The following SND1 variants were observed in gnomAD, a reference collection of about 807,000 sequenced individuals.
SND1 encodes the protein staphylococcal nuclease and tudor domain containing 1.
Under a neutral mutation model 121.7 loss-of-function variants are expected in SND1, and 38 were observed. The observed-to-expected ratio is 0.31, with a 90% CI of 0.24 to 0.41. The LOEUF is 0.41. Ranked by LOEUF, SND1 falls within the 10% of genes least tolerant of loss-of-function variation. The pLI is 1.00. For missense variants in SND1, 868 were observed against 1,184.6 expected (o/e 0.73, Z 3.92); for synonymous variants, 401 against 447.4 (o/e 0.90, Z 1.31).
At chr7:128,089,854 T>G in intron 22 of SND1, 162 bp downstream of exon 22, 2 of 669,156 alleles carry the variant, frequency 3.0e-6, no homozygotes, top group Admixed American at 2.8e-5. Flanking sequence ...GTTTTTGTTT[T>G]AAAGCTAATT....
At chr7:127,679,488 T>A (rs1288357133) in intron 1 of SND1, among the ~76,000 whole-genome samples, 1 of 152,226 alleles carries the variant, frequency 6.6e-6, no homozygotes, top group East Asian at 1.9e-4. Flanking sequence ...TTTTAAAGTA[T>A]ATAATTCAGT....
chr7:128,047,219 C>T (rs1257891752), intron 16 of SND1, among the ~76,000 whole-genome samples: 2 of 152,192 alleles, frequency 1.3e-5, no homozygotes, highest in Non-Finnish European at 1.5e-5. Context: ...AGGATGGGCA[C>T]CTGCCAGCAG....
intron 10 of SND1, among the ~76,000 whole-genome samples, chr7:127,728,131 CTTTGA>C (rs1441821286): frequency 6.6e-6 from 1 of 152,118 alleles, no homozygotes; most frequent in Non-Finnish European, 1.5e-5. Context: ...TCTTGTTGCC[CTTTGA>C]TTTCCTTTCT....
At chr7:128,000,183 A>C (rs963205495) in intron 16 of SND1, 3 of 152,014 alleles carry the variant, frequency 2.0e-5, no homozygotes, top group African/African-American at 7.2e-5. Context: ...CCTATTGTGA[A>C]ATCTGTTAAC....
intron 18 of SND1, among the ~76,000 whole-genome samples, chr7:128,083,511 T>C (rs912391962): frequency 2.0e-5 from 3 of 152,250 alleles, no homozygotes; most frequent in Non-Finnish European, 4.4e-5. Flanking sequence ...CATCCCTGCA[T>C]GCTTATGCAG....
intron 16 of SND1, among the ~76,000 whole-genome samples, chr7:128,009,663 C>CT (rs1476601400): frequency 6.6e-6 from 1 of 152,168 alleles, no homozygotes; most frequent in Non-Finnish European, 1.5e-5. Context: ...GCATAGGACT[C>CT]TAGACAAGTC....
chr7:127,816,346 C>G (rs1584594139), intron 11 of SND1, among the ~76,000 whole-genome samples: 1 of 152,320 alleles, frequency 6.6e-6, no homozygotes, highest in East Asian at 1.9e-4. Flanking sequence ...AACACTATCT[C>G]TTTTACATAG....
intron 16 of SND1, among the ~76,000 whole-genome samples, chr7:128,001,476 A>G (rs1399557177): frequency 6.6e-6 from 1 of 152,238 alleles, no homozygotes; most frequent in African/African-American, 2.4e-5. Context: ...GCATTGTGCA[A>G]TGCAGCCATC....
At chr7:127,745,342 T>C (rs1255784772) in intron 10 of SND1, among the ~76,000 whole-genome samples, 1 of 152,086 alleles carries the variant, frequency 6.6e-6, no homozygotes. Context: ...GTACAGTAAA[T>C]TTTATGGGAC....
chr7:127,942,925 A>G (rs1427294080), intron 15 of SND1, among the ~76,000 whole-genome samples: 4 of 152,196 alleles, frequency 2.6e-5, no homozygotes, highest in African/African-American at 9.7e-5. Context: ...ATTGCTGCAC[A>G]TGGCATATTA....
Position 128,086,978 on chromosome 7 carries a change from C to G in SND1, c.2345C>G (p.Pro782Arg), listed in dbSNP as rs145154397. 26 of 1,614,098 alleles carry G rather than the reference C, an allele frequency of 1.6e-5. No homozygotes were observed. Among genetic ancestry groups the G allele is most frequent in the Non-Finnish European group, 2.2e-5 (26 of 1,180,048 alleles). ...LPSTRLGTLS[P>R]AFSTRVLPAQ... ...TCCACCCGCCTGGGTACCCTATCAC[C>G]TGCCTTCAGCACTCGGGTGCTGCCA... Residue 782 changes from proline to arginine, a missense_variant, in exon 21 of 24, where the codon CCT becomes CGT. By Grantham distance (103) the Pro-to-Arg change is moderately radical. Transcript: ENST00000354725.
chr7:127,678,169 T>C (rs116750597), intron 1 of SND1, among the ~76,000 whole-genome samples: 235 of 152,310 alleles, frequency 1.5e-3, no homozygotes, highest in African/African-American at 5.0e-3. Context: ...ATGTGTGGCA[T>C]AGTGGAATAT....
chr7:127,824,183 C>A (rs888189089), intron 11 of SND1, among the ~76,000 whole-genome samples: 4 of 152,122 alleles, frequency 2.6e-5, no homozygotes, highest in Non-Finnish European at 4.4e-5. Context: ...TTAAATAATA[C>A]CCCTTTCAAA....
At chr7:127,864,156 C>G (rs1172549618) in intron 12 of SND1, among the ~76,000 whole-genome samples, 2 of 150,162 alleles carry the variant, frequency 1.3e-5, no homozygotes, top group Non-Finnish European at 3.0e-5. Context: ...GAAACTTCTC[C>G]CATTTTTCTA....
intron 16 of SND1, among the ~76,000 whole-genome samples, chr7:128,001,373 C>T (rs1418965413): frequency 6.6e-6 from 1 of 152,138 alleles, no homozygotes; most frequent in Non-Finnish European, 1.5e-5. Context: ...CCACTTTCAC[C>T]ATTTGCTGTC....
chr7:128,001,758 C>T (rs1005892108), intron 16 of SND1, among the ~76,000 whole-genome samples: 2 of 152,126 alleles, frequency 1.3e-5, no homozygotes, highest in African/African-American at 4.8e-5. Context: ...ATGGAGAAAC[C>T]CCGTCTCTAC....
Position 127,702,515 on chromosome 7 carries a change from T to C in SND1, c.670T>C (p.Ser224Pro). The change falls in exon 6 of 24, where the codon TCA becomes CCA. Residue 224 changes from serine to proline, a missense_variant. This residue lies in a region of SND1 where 743 missense variants were observed against 1,071.3 expected (regional missense o/e 0.69). Transcript: ENST00000354725. ...PDYYLVTVML[S>P]GIKCPTFRRE... ...TTACTACCTGGTTACAGTCATGCTG[T>C]CAGGCATCAAGGTCAGACCATACTC... 6.2e-7 allele frequency: 1 copy of C among 1,613,974 alleles called. No homozygotes were observed. Among genetic ancestry groups the C allele is most frequent in the Non-Finnish European group, 8.5e-7 (1 of 1,179,874 alleles).
In SND1 at chr7:128,011,092, G is replaced by A. The variant is rs1027467810; in HGVS notation, c.1779+20036G>A. Among the ~76,000 whole-genome samples, 6 of 151,734 alleles carry A rather than the reference G, an allele frequency of 4.0e-5. No homozygotes were observed. The East Asian group carries it at 1.2e-3, about 29-fold the overall frequency. On this transcript the variant is annotated intron_variant, in intron 16 of 23. Transcript: ENST00000354725. ...GTGCCAACACCCAAGAAGTTTTGGC[G>A]CACACTGTCCCCCCCACCCCCAAAC...
intron 15 of SND1, among the ~76,000 whole-genome samples, chr7:127,984,253 T>A (rs939516032): frequency 2.0e-5 from 3 of 152,242 alleles, no homozygotes; most frequent in Non-Finnish European, 2.9e-5. Flanking sequence ...GCCTCAGGTC[T>A]CTCTGACATA....
Sources: gnomAD v4.1 joint callset for allele counts (sites outside exome capture counted in the v4.1 genomes callset) on GRCh38, gnomAD v4.1.1 for gene constraint, gnomAD v4.1.1 regional missense constraint, MANE v1.5 for transcripts, NCBI Gene and HGNC (gene_info 2026-07-23, HGNC 2026-07-21) for gene names.